Variants in KCNAB1 observed in about 807,000 individuals in gnomAD.
KCNAB1 encodes the protein voltage-gated potassium channel subunit beta-1.
In KCNAB1, 35 loss-of-function variants were observed where a neutral mutation model predicts 64.6. The ratio of observed to expected loss-of-function variants is 0.54; its 90% CI spans 0.41 to 0.72. The LOEUF is 0.72. KCNAB1 is among the 30% of genes least tolerant of loss of function. The pLI, the probability that KCNAB1 is intolerant of heterozygous loss-of-function variation, is 0.00. For synonymous variants in KCNAB1, 177 were observed against 183.8 expected, an observed-to-expected ratio of 0.96 and a Z score of 0.30; for missense variants, 401 against 512.9, an observed-to-expected ratio of 0.78 and a Z score of 2.11.
chr3:156,377,338 G>A (rs891666208), intron 1 of KCNAB1, among the ~76,000 whole-genome samples: 1 of 152,150 alleles, frequency 6.6e-6, no homozygotes, highest in Non-Finnish European at 1.5e-5. Flanking sequence ...CTGTGAGTTA[G>A]AGGAGGGATG....
intron 1 of KCNAB1, among the ~76,000 whole-genome samples, chr3:156,382,647 T>C (rs1163827931): frequency 3.9e-5 from 6 of 152,168 alleles, no homozygotes; most frequent in Admixed American, 1.3e-4. Context: ...TGTGGCCCCC[T>C]TGTGGTGAGG....
intron 2 of KCNAB1, among the ~76,000 whole-genome samples, chr3:156,422,395 A>T (rs371844883): frequency 3.3e-5 from 5 of 152,220 alleles, no homozygotes; most frequent in African/African-American, 1.2e-4. Context: ...TAACTGAGGA[A>T]GTAGTGAGGA....
At chr3:156,413,454 C>T (rs1164051103) in intron 1 of KCNAB1, among the ~76,000 whole-genome samples, 1 of 152,136 alleles carries the variant, frequency 6.6e-6, no homozygotes, top group African/African-American at 2.4e-5. Context: ...TTACCATGTG[C>T]CAAGCCCTAT....
At chr3:156,494,428 A>T (rs1339787915) in intron 8 of KCNAB1, among the ~76,000 whole-genome samples, 1 of 152,068 alleles carries the variant, frequency 6.6e-6, no homozygotes, top group Non-Finnish European at 1.5e-5. Context: ...TTAAATTTAA[A>T]CACCCTCCTT....
At chr3:156,143,816 A>G (rs1275742879) in intron 1 of KCNAB1, among the ~76,000 whole-genome samples, 1 of 151,474 alleles carries the variant, frequency 6.6e-6, no homozygotes, top group Non-Finnish European at 1.5e-5. Flanking sequence ...CCTGGGATTC[A>G]AGACTTATTT....
chr3:156,475,687 C>T (rs1167606453), intron 8 of KCNAB1, among the ~76,000 whole-genome samples: 3 of 152,178 alleles, frequency 2.0e-5, no homozygotes, highest in Non-Finnish European at 4.4e-5. Context: ...TTGAAGGTAA[C>T]TTTGTCCTTG....
intron 1 of KCNAB1, among the ~76,000 whole-genome samples, chr3:156,403,663 G>A (rs1714053471): frequency 6.6e-6 from 1 of 152,132 alleles, no homozygotes; most frequent in African/African-American, 2.4e-5. Flanking sequence ...GGGAGGCCGA[G>A]GTGGGCAGAT....
At chr3:156,500,076 G>A (rs1258066876) in intron 8 of KCNAB1, among the ~76,000 whole-genome samples, 2 of 152,210 alleles carry the variant, frequency 1.3e-5, no homozygotes, top group East Asian at 1.9e-4. Flanking sequence ...TGGGTTGTAA[G>A]CTAAATGATC....
intron 1 of KCNAB1, among the ~76,000 whole-genome samples, chr3:156,369,363 T>C (rs1225256975): frequency 3.9e-5 from 6 of 152,240 alleles, no homozygotes; most frequent in Non-Finnish European, 7.3e-5. Flanking sequence ...TAGTGATGTT[T>C]CCAGTTTGGG....
chr3:156,489,406 G>A (rs962903827), intron 8 of KCNAB1, among the ~76,000 whole-genome samples: 11 of 151,222 alleles, frequency 7.3e-5, no homozygotes, highest in African/African-American at 1.9e-4. Flanking sequence ...AGATGAAGAC[G>A]GGATCAGCTA....
At chr3:156,333,863 A>T (rs1723507128) in intron 1 of KCNAB1, among the ~76,000 whole-genome samples, 1 of 152,174 alleles carries the variant, frequency 6.6e-6, no homozygotes, top group Non-Finnish European at 1.5e-5. Flanking sequence ...CATATTTAAA[A>T]TTCACTTTTT....
Position 156,412,463 on chromosome 3 carries a change from G to T in KCNAB1, c.276-9153G>T, listed in dbSNP as rs370321729. Among the ~76,000 whole-genome samples, 8 of 152,288 alleles carry T rather than the reference G, an allele frequency of 5.3e-5. No individual in the cohort carries two copies. In the East Asian group the frequency reaches 9.6e-4, roughly 18 times the overall value. ...AGAATAAAATAATATCTAACTGTGG[G>T]CTCCACATCAGAGAGTTAAGAAAGG... is the stretch of plus-strand genomic sequence containing the variant. On this transcript the variant is annotated intron_variant, in intron 1 of 13. Transcript: ENST00000490337.
chr3:156,315,734 A>G (rs915611415), intron 1 of KCNAB1, among the ~76,000 whole-genome samples: 1 of 152,202 alleles, frequency 6.6e-6, no homozygotes, highest in African/African-American at 2.4e-5. Context: ...GTATATCTTC[A>G]TATCTATATT....
At chr3:156,177,578 C>T (rs139157979) in intron 1 of KCNAB1, among the ~76,000 whole-genome samples, 1,555 of 151,966 alleles carry the variant, frequency 0.01, 30 homozygotes, top group Non-Finnish European at 0.011. Context: ...GGGGTTTCAC[C>T]GTGTTAGCCA....
At chr3:156,284,450 G>A (rs1306393485) in intron 1 of KCNAB1, among the ~76,000 whole-genome samples, 2 of 152,238 alleles carry the variant, frequency 1.3e-5, no homozygotes, top group African/African-American at 2.4e-5. Context: ...CAGAGGTGGA[G>A]CCTACAGAGG....
chr3:156,248,500 G>T, intron 1 of KCNAB1, among the ~76,000 whole-genome samples: 1 of 120,348 alleles, frequency 8.3e-6, no homozygotes, highest in Non-Finnish European at 1.7e-5. Context: ...TTTGGTAACA[G>T]ACCCCTCTGT....
chr3:156,409,353 T>C (rs1321743625), intron 1 of KCNAB1, among the ~76,000 whole-genome samples: 4 of 152,266 alleles, frequency 2.6e-5, no homozygotes, highest in Admixed American at 2.0e-4. Flanking sequence ...GGTTATTTCA[T>C]AGGATTCTAT....
At chr3:156,396,670 C>T (rs1033870876) in intron 1 of KCNAB1, among the ~76,000 whole-genome samples, 13 of 152,310 alleles carry the variant, frequency 8.5e-5, no homozygotes, top group South Asian at 2.1e-4. Context: ...GCTCCTACTG[C>T]CTCAAATTTT....
chr3:156,485,098 C>G (rs1715105096), intron 8 of KCNAB1, among the ~76,000 whole-genome samples: 1 of 152,004 alleles, frequency 6.6e-6, no homozygotes, highest in Admixed American at 6.6e-5. Context: ...TATGTTTACA[C>G]TTTTAGGAAT....
Sources: allele counts gnomAD v4.1 joint callset (sites outside exome capture counted in the v4.1 genomes callset), GRCh38; gene constraint gnomAD v4.1.1; transcripts MANE v1.5; gene names NCBI Gene and HGNC (gene_info 2026-07-23, HGNC 2026-07-21).